The following OOSP2 variants were observed in gnomAD, a reference collection of about 807,000 sequenced individuals.
OOSP2 encodes the protein oocyte-secreted protein 2.
Under a neutral mutation model 13.4 loss-of-function variants are expected in OOSP2, and 7 were observed. The observed-to-expected ratio is 0.52, with a 90% CI of 0.30 to 0.98. The LOEUF is 0.98. OOSP2 is among the 50% of genes least tolerant of loss of function. The pLI is 0.07. For synonymous variants in OOSP2, 75 were observed against 67.2 expected (o/e 1.12, Z -0.57); for missense variants, 184 against 188.5 (o/e 0.98, Z 0.14).
Position 60,046,933 on chromosome 11 carries a change from C to T in OOSP2, c.348-11C>T. 6.2e-7 allele frequency: 1 copy of T among 1,607,486 alleles called. No individual in the cohort carries two copies. Among genetic ancestry groups the T allele is most frequent in the African/African-American group, 1.3e-5 (1 of 74,798 alleles). On this transcript the variant is annotated splice_polypyrimidine_tract_variant and intron_variant, in intron 3 of 3. Transcript: ENST00000278855. ...CCAACACTATCTGCTTTCTGTTTCC[C>T]TTTTCTTTAGGAAATCAGTGTGGCT...
At chr11:60,040,930 T>C (rs752428250) in intron 1 of OOSP2, among the ~76,000 whole-genome samples, 10 of 152,236 alleles carry the variant, frequency 6.6e-5, no homozygotes, top group Non-Finnish European at 1.3e-4. Context: ...TGCTTAATGC[T>C]GATATTATTG....
At chr11:60,044,143 C>CA (rs1391118479) in intron 2 of OOSP2, among the ~76,000 whole-genome samples, 1 of 152,212 alleles carries the variant, frequency 6.6e-6, no homozygotes, top group East Asian at 1.9e-4. Flanking sequence ...CAAATTTAAG[C>CA]AATTTATATT....
In OOSP2 at chr11:60,047,916, T is replaced by C. The variant is rs987234947; in HGVS notation, c.*843T>C. The C allele has an allele frequency of 5.9e-5, 9 of 152,198 alleles. No homozygotes were observed. The highest frequency in any genetic ancestry group is 1.9e-4 in the African/African-American group (8 of 41,464). The allele number at this position is 152,198 out of a possible 1,614,324, so 9.4% of individuals were successfully genotyped here. On this transcript the variant is annotated 3_prime_UTR_variant, in exon 4 of 4. Coordinates refer to ENST00000278855, the MANE Select transcript of OOSP2 (RefSeq NM_173801.5). ...TATATCAAGGGTGAGAATTGAACTG[T>C]GCCATTGGCTATTCAATAGCTTATT... is the stretch of plus-strand genomic sequence containing the variant.
intron 3 of OOSP2, among the ~76,000 whole-genome samples, chr11:60,045,431 C>T (rs905901206): frequency 6.6e-6 from 1 of 151,814 alleles, no homozygotes; most frequent in Non-Finnish European, 1.5e-5. Context: ...AGTGAAGAAC[C>T]TTGGAAACTA....
intron 3 of OOSP2, among the ~76,000 whole-genome samples, chr11:60,045,549 A>T (rs1314474926): frequency 6.6e-6 from 1 of 152,166 alleles, no homozygotes; most frequent in Non-Finnish European, 1.5e-5. Context: ...ATGTGATTAT[A>T]GTACTTTTTC....
At chr11:60,040,675 T>C in intron 1 of OOSP2, 152 bp downstream of exon 1, 1 of 593,422 alleles carries the variant, frequency 1.7e-6, no homozygotes, top group Non-Finnish European at 3.0e-6. Flanking sequence ...TGTGTCAATA[T>C]ACGGAGGATA....
In OOSP2 at chr11:60,047,012, C is replaced by T; in HGVS notation, c.416C>T (p.Ala139Val). ...EIKLDPSPFI[A>V]DFQTTAEELG... ...AAATTGGATCCTAGTCCTTTTATTG[C>T]TGACTTTCAGACAACAGCAGAAGAG... The change falls in exon 4 of 4, where the codon GCT (alanine) becomes GTT (valine). Residue 139 changes from alanine to valine, a missense_variant. By Grantham distance (64) the Ala-to-Val change is moderately conservative. Transcript: ENST00000278855. 1.9e-6 allele frequency: 3 copies of T among 1,609,140 alleles called. No individual in the cohort carries two copies. The highest frequency in any genetic ancestry group is 2.6e-6 in the Non-Finnish European group (3 of 1,175,500).
rs542663868 is a variant in OOSP2, at chr11:60,047,715, T to A, written c.*642T>A. The A allele has an allele frequency of 7.9e-4, 120 of 152,296 alleles. No individual in the cohort carries two copies. Among genetic ancestry groups the A allele is most frequent in the African/African-American group, 2.6e-3 (109 of 41,578 alleles). The allele number at this position is 152,296 out of a possible 1,614,324, so 9.4% of individuals were successfully genotyped here. ...TTCCCTTGTTCCTCCGAATGGTTCT[T>A]CCACACTCAAAATAATTGAATGGTT... is the stretch of plus-strand genomic sequence containing the variant. On this transcript the variant is annotated 3_prime_UTR_variant, in exon 4 of 4. Coordinates refer to ENST00000278855, the MANE Select transcript of OOSP2 (RefSeq NM_173801.5).
chr11:60,042,012 G>C (rs910287742), intron 1 of OOSP2, among the ~76,000 whole-genome samples: 1 of 151,900 alleles, frequency 6.6e-6, no homozygotes, highest in Non-Finnish European at 1.5e-5. Flanking sequence ...CCAGCTACTC[G>C]GGAGGCTGAG....
chr11:60,043,005 C>T (rs1390458924), intron 1 of OOSP2, among the ~76,000 whole-genome samples: 1 of 151,804 alleles, frequency 6.6e-6, no homozygotes. Context: ...CCTGGGTTCT[C>T]GCCGTTCTCC....
intron 3 of OOSP2, 77 bp from the exon 4 acceptor site, chr11:60,046,867 T>G: frequency 1.5e-4 from 169 of 1,129,900 alleles, no homozygotes; most frequent in Non-Finnish European, 1.9e-4. Context: ...TATATGATCA[T>G]GATATTAAAC....
chr11:60,042,518 A>G (rs749892010), intron 1 of OOSP2, among the ~76,000 whole-genome samples: 35 of 152,208 alleles, frequency 2.3e-4, no homozygotes, highest in Non-Finnish European at 1.3e-4. Context: ...GTACCTTTTA[A>G]TGCTGAAAAG....
intron 3 of OOSP2, among the ~76,000 whole-genome samples, chr11:60,045,608 C>CTTGTACAT (rs149436180): frequency 0.54 from 81,293 of 150,978 alleles, 22,512 homozygotes; most frequent in East Asian, 0.77. Flanking sequence ...TATACATAAT[C>CTTGTACAT]TTGTACATTT....
chr11:60,040,991 C>T (rs1854922270), intron 1 of OOSP2, among the ~76,000 whole-genome samples: 1 of 152,172 alleles, frequency 6.6e-6, no homozygotes, highest in South Asian at 2.1e-4. Flanking sequence ...ATGTTAAACT[C>T]ATCAACGGTT....
intron 2 of OOSP2, 39 bp from the exon 3 acceptor site, chr11:60,044,632 A>G (rs773489966): frequency 1.2e-5 from 11 of 896,942 alleles, no homozygotes; most frequent in Admixed American, 3.6e-5. Context: ...CTCATCTGTT[A>G]CTCCAAATAT....
intron 3 of OOSP2, among the ~76,000 whole-genome samples, chr11:60,046,173 GCC>G (rs1855006069): frequency 1.3e-5 from 2 of 150,278 alleles, no homozygotes; most frequent in South Asian, 4.2e-4. Flanking sequence ...CTCTCGCTCT[GCC>G]TCTCTCTCGG....
At chr11:60,046,193 G>C (rs891801008) in intron 3 of OOSP2, among the ~76,000 whole-genome samples, 6 of 143,722 alleles carry the variant, frequency 4.2e-5, no homozygotes, top group Admixed American at 7.4e-5. Flanking sequence ...CGGTTTCTCT[G>C]TCTCTCTCTC....
chr11:60,042,955 A>G (rs1854955207), intron 1 of OOSP2, among the ~76,000 whole-genome samples: 1 of 151,280 alleles, frequency 6.6e-6, no homozygotes, highest in Admixed American at 6.6e-5. Context: ...CCCAGGCTGG[A>G]GTGCAGTGGC....
At position 60,040,472 on chromosome 11, in the gene OOSP2, G is replaced by C; in HGVS notation, c.13G>C (p.Val5Leu). Reference protein sequence around the residue: MALEVLMLLAVLIWT... With the variant: MALELLMLLAVLIWT... ...GACGAAGGTCTCCATGGCGTTAGAA[G>C]TCTTGATGCTCCTCGCTGTCTTGAT... The change falls in exon 1 of 4, where the codon GTC (valine) becomes CTC (leucine). Residue 5 changes from valine (V) to leucine (L), a missense_variant. Val to Leu is a conservative substitution (Grantham distance 32). Transcript: ENST00000278855. 1 of 1,601,736 alleles carries C rather than the reference G, an allele frequency of 6.2e-7. No homozygotes were observed. The highest frequency in any genetic ancestry group is 8.6e-7 in the Non-Finnish European group (1 of 1,168,658).
Sources: allele counts gnomAD v4.1 joint callset (sites outside exome capture counted in the v4.1 genomes callset), GRCh38; gene constraint gnomAD v4.1.1; transcripts MANE v1.5; gene names NCBI Gene and HGNC (gene_info 2026-07-23, HGNC 2026-07-21).